Variants in SFSWAP observed in about 807,000 individuals in gnomAD.
The protein encoded by SFSWAP is splicing factor, suppressor of white-apricot homolog.
A neutral mutation model predicts 100.7 loss-of-function variants in SFSWAP; 17 were observed. The ratio of observed to expected loss-of-function variants is 0.17; its 90% CI spans 0.12 to 0.25. The LOEUF (loss-of-function observed/expected upper bound fraction) is 0.25. Among genes scored for constraint, SFSWAP ranks in the 10% least tolerant of loss-of-function variants. The pLI, the probability that SFSWAP is intolerant of heterozygous loss-of-function variation, is 1.00. For synonymous variants in SFSWAP, 504 were observed against 510.1 expected, an observed-to-expected ratio of 0.99 and a Z score of 0.16; for missense variants, 1,005 against 1,262.6, an observed-to-expected ratio of 0.80 and a Z score of 3.09.
At chr12:131,776,043 G>A (rs749805468) in intron 13 of SFSWAP, among the ~76,000 whole-genome samples, 37 of 152,190 alleles carry the variant, frequency 2.4e-4, no homozygotes, top group Admixed American at 7.8e-4. Context: ...CGGAGGTTGC[G>A]GTGAGCTGAG....
chr12:131,791,070 TA>T (rs1300515932), intron 15 of SFSWAP, among the ~76,000 whole-genome samples: 1 of 152,150 alleles, frequency 6.6e-6, no homozygotes, highest in Non-Finnish European at 1.5e-5. Context: ...AAAGACTAGT[TA>T]AAAGGCAGTG....
At chr12:131,736,235 A>T (rs1408841638) in intron 7 of SFSWAP, among the ~76,000 whole-genome samples, 1 of 152,250 alleles carries the variant, frequency 6.6e-6, no homozygotes, top group Non-Finnish European at 1.5e-5. Flanking sequence ...TCTAAGACAC[A>T]AAGAGCTATT....
At chr12:131,764,943 T>C (rs6598153) in intron 12 of SFSWAP, among the ~76,000 whole-genome samples, 48,571 of 152,208 alleles carry the variant, frequency 0.32, 8,785 homozygotes, top group East Asian at 0.52. Context: ...GTCTTAGCTC[T>C]AATGCGCCAC....
chr12:131,777,557 C>T (rs1021469544), intron 13 of SFSWAP, among the ~76,000 whole-genome samples: 3 of 152,120 alleles, frequency 2.0e-5, no homozygotes, highest in Non-Finnish European at 4.4e-5. Context: ...TGGACGTTTG[C>T]GTTGGTTCGA....
chr12:131,761,340 C>T (rs1332218993), intron 11 of SFSWAP, among the ~76,000 whole-genome samples: 3 of 152,132 alleles, frequency 2.0e-5, no homozygotes, highest in Non-Finnish European at 4.4e-5. Context: ...TCAGGGGTGC[C>T]CGATGCCATG....
intron 7 of SFSWAP, among the ~76,000 whole-genome samples, chr12:131,750,373 G>A (rs11613616): frequency 0.17 from 26,188 of 152,170 alleles, 3,000 homozygotes; most frequent in Non-Finnish European, 0.25. Context: ...TATTTCTCTT[G>A]GAGTCCTTTT....
chr12:131,776,412 C>T (rs866726309), intron 13 of SFSWAP, among the ~76,000 whole-genome samples: 3 of 152,314 alleles, frequency 2.0e-5, no homozygotes, highest in Middle Eastern at 3.4e-3. Flanking sequence ...GAGAAATCAC[C>T]GTGCCATCAT....
rs982164360 is a variant in SFSWAP at position 131,725,554 on chromosome 12, C to T, written c.756C>T (p.Tyr252=). 6.2e-7 allele frequency: 1 copy of T among 1,614,144 alleles called. No homozygotes were observed. Among genetic ancestry groups the T allele is most frequent in the South Asian group, 1.1e-5 (1 of 91,082 alleles). The change falls in exon 5 of 18, where the codon TAC becomes TAT. Residue 252 remains tyrosine, a synonymous_variant. Coordinates refer to ENST00000261674, the MANE Select transcript of SFSWAP (RefSeq NM_004592.4). This position sits in a 1 kb window ranked among gnomAD's most constrained non-coding sequence, Gnocchi z 4.3. ...GCTTCGACCACTACCTCAACCCCTACTATAAGTTCATCCAGAAAGCCATGA... is the reference window on the plus strand; with the variant it reads ...GCTTCGACCACTACCTCAACCCCTATTATAAGTTCATCCAGAAAGCCATGA... ...FLRFDHYLNP[Y]YKFIQKAMKE...
At chr12:131,747,050 G>T (rs1437753816) in intron 7 of SFSWAP, among the ~76,000 whole-genome samples, 1 of 148,074 alleles carries the variant, frequency 6.8e-6, no homozygotes, top group Admixed American at 6.9e-5. Context: ...CTTGCAGTGA[G>T]CCGAGATCGC....
At chr12:131,788,245 G>A (rs1277454705) in intron 15 of SFSWAP, among the ~76,000 whole-genome samples, 2 of 152,178 alleles carry the variant, frequency 1.3e-5, no homozygotes, top group Non-Finnish European at 2.9e-5. Flanking sequence ...ACACTCAGAC[G>A]CCAGACTCGC....
Position 131,711,856 on chromosome 12 carries a change from C to T in SFSWAP, c.218+409C>T, listed in dbSNP as rs1269798264. The T allele has an allele frequency of 4.6e-6, 1 of 217,442 alleles. No homozygotes were observed. Among genetic ancestry groups the T allele is most frequent in the Non-Finnish European group, 9.5e-6 (1 of 105,390 alleles). 13.5% of individuals were successfully genotyped at this position (217,442 alleles called of 1,614,324 possible). ...TTCTACTTGCCGCGCTCTCACTGCT[C>T]GGTGTACTGGGAGGGTACCCTGGGA... On this transcript the variant is annotated intron_variant, in intron 1 of 17. Coordinates refer to ENST00000261674, the MANE Select transcript of SFSWAP (RefSeq NM_004592.4). This position sits in a 1 kb window ranked among gnomAD's most constrained non-coding sequence, Gnocchi z 4.9.
chr12:131,763,806 G>A (rs1026397950), intron 11 of SFSWAP, among the ~76,000 whole-genome samples: 4 of 151,556 alleles, frequency 2.6e-5, no homozygotes, highest in African/African-American at 9.7e-5. Context: ...GATATATGCT[G>A]AGCCATGAAT....
Position 131,756,601 on chromosome 12 carries a change from G to A in SFSWAP, c.1677G>A (p.Glu559=). The A allele has an allele frequency of 1.2e-6, 2 of 1,612,398 alleles. No homozygotes were observed. Among genetic ancestry groups the A allele is most frequent in the Non-Finnish European group, 8.5e-7 (1 of 1,179,452 alleles). ...GARAGSGGKK[E]ASSSKTVPDG... is the part of the protein sequence containing the mutation. ...GGGCAGGCTCAGGCGGGAAGAAGGA[G>A]GCATCGTCCAGTAAGACCGTCCCGG... Residue 559 remains glutamate, a synonymous_variant, in exon 11 of 18, where the codon GAG becomes GAA. Coordinates refer to ENST00000261674, the MANE Select transcript of SFSWAP (RefSeq NM_004592.4).
Position 131,715,434 on chromosome 12 carries a change from G to C in SFSWAP, c.520+481G>C, listed in dbSNP as rs987241657. Among the ~76,000 whole-genome samples the C allele has an allele frequency of 3.3e-5, 5 of 152,200 alleles. No homozygotes were observed. In the East Asian group the frequency reaches 7.7e-4, roughly 23 times the overall value. ...AACAGCACAGCTTCCTGGTAGCCTT[G>C]ATGCCACCTAGGGCATATACTTACC... On this transcript the variant is annotated intron_variant, in intron 3 of 17. Transcript: ENST00000261674.
chr12:131,799,372 G>A (rs1885909206), intron 17 of SFSWAP, 51 bp from the exon 18 acceptor site: 2 of 1,572,846 alleles, frequency 1.3e-6, no homozygotes, highest in African/African-American at 1.3e-5. Context: ...CACCACGTGG[G>A]TTGTCTGGCC....
chr12:131,763,711 A>G (rs1422371561), intron 11 of SFSWAP, among the ~76,000 whole-genome samples: 2 of 152,234 alleles, frequency 1.3e-5, no homozygotes, highest in Non-Finnish European at 2.9e-5. Flanking sequence ...GCTTTGTAAG[A>G]AAAGGCTATT....
At chr12:131,765,395 T>A (rs1883029639) in intron 12 of SFSWAP, among the ~76,000 whole-genome samples, 1 of 152,192 alleles carries the variant, frequency 6.6e-6, no homozygotes, top group Non-Finnish European at 1.5e-5. Context: ...ATGCCTGTAA[T>A]CCCAGCACTT....
chr12:131,735,149 T>A (rs1879885200), intron 7 of SFSWAP, among the ~76,000 whole-genome samples: 1 of 152,104 alleles, frequency 6.6e-6, no homozygotes. Flanking sequence ...CAAGGGAAAC[T>A]TGGAAATGAC....
chr12:131,729,051 C>G (rs139967148), intron 7 of SFSWAP, among the ~76,000 whole-genome samples: 173 of 152,284 alleles, frequency 1.1e-3, no homozygotes, highest in Non-Finnish European at 2.2e-3. Context: ...CTTCCCTTAC[C>G]TCTCAGTGGC....
Sources: allele counts gnomAD v4.1 joint callset (sites outside exome capture counted in the v4.1 genomes callset), GRCh38; gene constraint gnomAD v4.1.1; non-coding constraint Gnocchi (gnomAD v3.1); transcripts MANE v1.5; gene names NCBI Gene and HGNC (gene_info 2026-07-23, HGNC 2026-07-21).